TRABD2A: variants seen among roughly 807,000 people sequenced by gnomAD.
The protein encoded by TRABD2A is TraB domain containing 2A, also known as metalloprotease TIKI1.
Under a neutral mutation model 45.6 loss-of-function variants are expected in TRABD2A, and 43 were observed. The observed-to-expected ratio is 0.94, with a 90% CI of 0.74 to 1.22. The LOEUF (loss-of-function observed/expected upper bound fraction) is 1.22. Among genes scored for constraint, TRABD2A ranks in the 50% most tolerant of loss-of-function variants. TRABD2A has a pLI of 0.00. For synonymous variants in TRABD2A, 269 were observed against 265.0 expected (o/e 1.02, Z -0.15); for missense variants, 642 against 652.4 (o/e 0.98, Z 0.17).
chr2:84,849,794 G>A (rs780402377), intron 2 of TRABD2A, among the ~76,000 whole-genome samples: 3 of 152,156 alleles, frequency 2.0e-5, no homozygotes, highest in African/African-American at 2.4e-5. Context: ...GGCTCAAGTC[G>A]CCAACAGGTG....
intron 2 of TRABD2A, among the ~76,000 whole-genome samples, chr2:84,851,602 C>A (rs776592662): frequency 6.6e-6 from 1 of 152,220 alleles, no homozygotes; most frequent in Non-Finnish European, 1.5e-5. Context: ...AGTTCCCTGT[C>A]CATGACTGCC....
At chr2:84,859,580 GA>G (rs1682425583) in intron 2 of TRABD2A, among the ~76,000 whole-genome samples, 1 of 152,230 alleles carries the variant, frequency 6.6e-6, no homozygotes, top group Non-Finnish European at 1.5e-5. Context: ...GAGTTCAGGA[GA>G]AAAGAGGGTC....
At chr2:84,839,357 G>T (rs751638561) in intron 3 of TRABD2A, 34 bp from the exon 4 acceptor site, 1 of 1,548,670 alleles carries the variant, frequency 6.5e-7, no homozygotes, top group South Asian at 1.2e-5. Flanking sequence ...AAAATAAGGG[G>T]CAACAGAGTT....
chr2:84,860,669 A>G (rs1355426216), intron 2 of TRABD2A, among the ~76,000 whole-genome samples: 1 of 152,212 alleles, frequency 6.6e-6, no homozygotes, highest in Non-Finnish European at 1.5e-5. Flanking sequence ...AGCAAGAAGA[A>G]AGCTCCAGTC....
chr2:84,864,036 C>G (rs1682593627), intron 2 of TRABD2A, among the ~76,000 whole-genome samples: 1 of 151,398 alleles, frequency 6.6e-6, no homozygotes, highest in African/African-American at 2.4e-5. Context: ...AGATCTCCTG[C>G]TTTTTTTGGA....
At chr2:84,878,163 G>T (rs1442708508) in intron 1 of TRABD2A, among the ~76,000 whole-genome samples, 1 of 152,222 alleles carries the variant, frequency 6.6e-6, no homozygotes, top group East Asian at 1.9e-4. Context: ...GCCAAAGCCA[G>T]ATGGAGGTAA....
intron 2 of TRABD2A, 157 bp from the exon 3 acceptor site, chr2:84,842,164 C>A (rs892113248): frequency 1.3e-6 from 1 of 764,184 alleles, no homozygotes; most frequent in Non-Finnish European, 1.9e-6. Flanking sequence ...CCCTGGACAG[C>A]ATCCAAAGAA....
intron 4 of TRABD2A, chr2:84,833,048 G>C (rs186044315): frequency 6.6e-6 from 1 of 152,180 alleles, no homozygotes; most frequent in African/African-American, 2.4e-5. Context: ...ACAGCAAATA[G>C]GCCCCGAGAA....
Position 84,839,224 on chromosome 2 carries a change from C to A in TRABD2A, c.916G>T (p.Glu306Ter). The change falls in exon 4 of 7, where the codon GAG becomes TAG. Residue 306 changes from glutamate (E) to a stop codon, truncating the protein, a stop_gained. Coordinates refer to ENST00000409520, the MANE Select transcript of TRABD2A (RefSeq NM_001277053.2). LOFTEE classifies it high-confidence loss of function. ...GCCTTCACCCGCTTCCCTATTCTCTCATTCCGCTTGTAGATCAGCTCCCGG... is the reference window on the plus strand; with the variant it reads ...GCCTTCACCCGCTTCCCTATTCTCTAATTCCGCTTGTAGATCAGCTCCCGG... ...LRRELIYKRNERIGKRVKALL... is the reference protein window; with the variant it reads ...LRRELIYKRN 2.5e-6 allele frequency: 4 copies of A among 1,613,960 alleles called. No individual in the cohort carries two copies. The highest frequency in any genetic ancestry group is 3.4e-6 in the Non-Finnish European group (4 of 1,179,886).
chr2:84,848,168 T>G (rs181994390), intron 2 of TRABD2A, among the ~76,000 whole-genome samples: 64 of 152,298 alleles, frequency 4.2e-4, no homozygotes, highest in Non-Finnish European at 7.5e-4. Context: ...CCATAACACA[T>G]GTCGATCTCA....
chr2:84,873,116 A>G, intron 1 of TRABD2A, among the ~76,000 whole-genome samples: 1 of 144,834 alleles, frequency 6.9e-6, no homozygotes, highest in South Asian at 2.2e-4. Context: ...CTTCATCTCA[A>G]AAAAAAAAAA....
chr2:84,823,886 G>A (rs889681439), intron 6 of TRABD2A, 67 bp downstream of exon 6: 6 of 1,583,234 alleles, frequency 3.8e-6, no homozygotes, highest in African/African-American at 1.4e-5. Flanking sequence ...CCAGTGTGAG[G>A]GGCATTCCTG....
chr2:84,875,227 C>T (rs1682988529), intron 1 of TRABD2A, among the ~76,000 whole-genome samples: 1 of 152,210 alleles, frequency 6.6e-6, no homozygotes, highest in African/African-American at 2.4e-5. Context: ...CCAGAAAAGT[C>T]ACTGAATGTC....
At chr2:84,825,355 A>G (rs1484616800) in intron 5 of TRABD2A, among the ~76,000 whole-genome samples, 2 of 152,186 alleles carry the variant, frequency 1.3e-5, no homozygotes, top group Non-Finnish European at 2.9e-5. Context: ...GGGAGGAGGT[A>G]TACAAGAAGG....
At chr2:84,868,462 G>GCATTATCCTCCCC (rs1437705370) in intron 2 of TRABD2A, among the ~76,000 whole-genome samples, 3 of 151,466 alleles carry the variant, frequency 2.0e-5, no homozygotes, top group Non-Finnish European at 4.4e-5. Flanking sequence ...GGGAGGGATA[G>GCATTATCCTCCCC]CATTATCCTC....
rs182269492 is a variant in TRABD2A at position 84,867,075 on chromosome 2, A to G, written c.669+3150T>C. ...AGAGTGAGACTCTGTCTCAAAAAAA[A>G]AAAGTCATTGGGCTGTATACTCAGG... On this transcript the variant is annotated intron_variant, in intron 2 of 6. Transcript: ENST00000409520. Among the ~76,000 whole-genome samples, 19 of 152,320 alleles carry G rather than the reference A, an allele frequency of 1.2e-4. No individual in the cohort carries two copies. The East Asian group carries it at 1.5e-3, about 12-fold the overall frequency.
chr2:84,876,147 ATACAACT>A (rs1334641193), intron 1 of TRABD2A, among the ~76,000 whole-genome samples: 1 of 152,236 alleles, frequency 6.6e-6, no homozygotes, highest in African/African-American at 2.4e-5. Context: ...CATGTCAAGC[ATACAACT>A]TGTGCCAAGG....
chr2:84,866,953 C>T (rs1046687331), intron 2 of TRABD2A, among the ~76,000 whole-genome samples: 3 of 151,900 alleles, frequency 2.0e-5, no homozygotes, highest in Non-Finnish European at 2.9e-5. Context: ...GGCGTGGTGG[C>T]GGGTGCCTGT....
At chr2:84,863,601 T>C (rs1462939946) in intron 2 of TRABD2A, among the ~76,000 whole-genome samples, 77 of 85,276 alleles carry the variant, frequency 9.0e-4, no homozygotes, top group African/African-American at 4.9e-3. Context: ...AATTTTCTTT[T>C]TTTTTTTTTT....
Sources: gnomAD v4.1 joint callset for allele counts (sites outside exome capture counted in the v4.1 genomes callset) on GRCh38, gnomAD v4.1.1 for gene constraint, MANE v1.5 for transcripts, NCBI Gene and HGNC (gene_info 2026-07-23, HGNC 2026-07-21) for gene names.